Variants in SEMA3A observed in about 807,000 individuals in gnomAD.
SEMA3A encodes the protein semaphorin 3A.
Under a neutral mutation model 97.9 loss-of-function variants are expected in SEMA3A, and 29 were observed. That is an observed-to-expected ratio of 0.30 (90% confidence interval 0.22 to 0.40). The LOEUF (loss-of-function observed/expected upper bound fraction) is 0.40. SEMA3A is among the 10% of genes least tolerant of loss of function. SEMA3A has a pLI of 1.00. For missense variants in SEMA3A, 763 were observed against 951.3 expected, an observed-to-expected ratio of 0.80 and a Z score of 2.60; for synonymous variants, 321 against 323.7, an observed-to-expected ratio of 0.99 and a Z score of 0.09.
chr7:83,979,331 A>C (rs925717377), intron 14 of SEMA3A, among the ~76,000 whole-genome samples: 6 of 152,038 alleles, frequency 3.9e-5, no homozygotes, highest in African/African-American at 1.2e-4. Flanking sequence ...ATGGGGTTTC[A>C]CCATGCTGGC....
At chr7:84,061,550 T>TA (rs1793216005) in intron 4 of SEMA3A, among the ~76,000 whole-genome samples, 1 of 152,150 alleles carries the variant, frequency 6.6e-6, no homozygotes, top group South Asian at 2.1e-4. Flanking sequence ...CAGACTGAAA[T>TA]AAAATAGCTT....
intron 7 of SEMA3A, among the ~76,000 whole-genome samples, chr7:84,011,860 A>C (rs1050999497): frequency 5.9e-5 from 9 of 151,638 alleles, no homozygotes; most frequent in African/African-American, 2.2e-4. Flanking sequence ...TTGTACTCAT[A>C]AATTTATATA....
chr7:84,355,292 C>G (rs951587192), intron 2 of SEMA3A, among the ~76,000 whole-genome samples: 1 of 151,804 alleles, frequency 6.6e-6, no homozygotes, highest in East Asian at 1.9e-4. Context: ...TACAGATACA[C>G]CTTTTCTCTG....
chr7:84,260,336 G>A (rs1799819132), intron 3 of SEMA3A, among the ~76,000 whole-genome samples: 1 of 152,150 alleles, frequency 6.6e-6, no homozygotes. Flanking sequence ...GCCAGCTGCA[G>A]GAGGAGAGGT....
At chr7:84,319,494 C>G (rs577811819) in intron 2 of SEMA3A, among the ~76,000 whole-genome samples, 1 of 152,098 alleles carries the variant, frequency 6.6e-6, no homozygotes, top group East Asian at 1.9e-4. Flanking sequence ...TACTAAGAAT[C>G]CCAAGGCTTA....
intron 3 of SEMA3A, among the ~76,000 whole-genome samples, chr7:84,218,352 C>A (rs1467376330): frequency 6.6e-6 from 1 of 152,020 alleles, no homozygotes; most frequent in Non-Finnish European, 1.5e-5. Flanking sequence ...GTACTTCAAT[C>A]TGGAAAGCTA....
intron 1 of SEMA3A, among the ~76,000 whole-genome samples, chr7:84,482,567 T>C (rs766394508): frequency 1.3e-5 from 2 of 152,200 alleles, no homozygotes; most frequent in Admixed American, 6.5e-5. Context: ...ATGATCATAG[T>C]TGCAGGAATT....
chr7:83,995,905 G>A (rs1380994984), intron 12 of SEMA3A, among the ~76,000 whole-genome samples: 1 of 152,194 alleles, frequency 6.6e-6, no homozygotes. Flanking sequence ...GGTTAGGAAA[G>A]TATCAATTAT....
chr7:84,462,186 A>AT (rs1197815705), intron 1 of SEMA3A, among the ~76,000 whole-genome samples: 4 of 152,128 alleles, frequency 2.6e-5, no homozygotes, highest in African/African-American at 7.2e-5. Context: ...TTATTGGATG[A>AT]TTTTTTTCTC....
chr7:84,321,636 G>A (rs1470776008), intron 2 of SEMA3A, among the ~76,000 whole-genome samples: 2 of 151,890 alleles, frequency 1.3e-5, no homozygotes, highest in Non-Finnish European at 2.9e-5. Context: ...CAGCACTTTG[G>A]GAGGCCAAAG....
At chr7:84,169,015 G>T (rs1176492358) in intron 1 of SEMA3A, among the ~76,000 whole-genome samples, 1 of 151,616 alleles carries the variant, frequency 6.6e-6, no homozygotes, top group African/African-American at 2.4e-5. Flanking sequence ...TAATATAATT[G>T]ATCCTGAGTT....
intron 15 of SEMA3A, among the ~76,000 whole-genome samples, chr7:83,972,054 C>T (rs1788941492): frequency 7.2e-6 from 1 of 138,276 alleles, no homozygotes; most frequent in Non-Finnish European, 1.6e-5. Flanking sequence ...TATATATACA[C>T]ACACATACAT....
chr7:84,399,107 G>T (rs903480225), intron 1 of SEMA3A, among the ~76,000 whole-genome samples: 1 of 152,152 alleles, frequency 6.6e-6, no homozygotes, highest in Non-Finnish European at 1.5e-5. Flanking sequence ...TCTGAAAAGA[G>T]AATCTGTGTG....
chr7:83,969,531 T>C (rs1490983466), intron 15 of SEMA3A, among the ~76,000 whole-genome samples: 3 of 152,164 alleles, frequency 2.0e-5, no homozygotes, highest in South Asian at 2.1e-4. Flanking sequence ...AGGTAACACA[T>C]TGAATTTAAA....
chr7:83,984,287 C>T (rs7458473), intron 13 of SEMA3A, among the ~76,000 whole-genome samples: 58,067 of 151,998 alleles, frequency 0.38, 11,634 homozygotes, highest in Middle Eastern at 0.49. Flanking sequence ...TAACAATTTT[C>T]AGATTACGAG....
intron 2 of SEMA3A, among the ~76,000 whole-genome samples, chr7:84,325,992 A>G (rs1220559426): frequency 6.6e-6 from 1 of 152,086 alleles, no homozygotes; most frequent in East Asian, 1.9e-4. Flanking sequence ...TGTAACTGAG[A>G]TCATACAGTA....
chr7:84,263,402 T>C (rs1217972225), intron 3 of SEMA3A, among the ~76,000 whole-genome samples: 1 of 152,210 alleles, frequency 6.6e-6, no homozygotes, highest in Non-Finnish European at 1.5e-5. Flanking sequence ...GTAACTTTAA[T>C]ATTGGCAACA....
chr7:84,343,458 T>C (rs901481938), intron 2 of SEMA3A, among the ~76,000 whole-genome samples: 5 of 152,198 alleles, frequency 3.3e-5, no homozygotes, highest in African/African-American at 1.2e-4. Flanking sequence ...TTAAATTGCA[T>C]ATAACTGAGC....
chr7:84,139,988 T>A (rs1173056625), intron 1 of SEMA3A, among the ~76,000 whole-genome samples: 1 of 152,086 alleles, frequency 6.6e-6, no homozygotes, highest in Admixed American at 6.6e-5. Context: ...GTATATTTAC[T>A]TTTAAAAAGA....
Sources: gnomAD v4.1 joint callset for allele counts (sites outside exome capture counted in the v4.1 genomes callset) on GRCh38, gnomAD v4.1.1 for gene constraint, MANE v1.5 for transcripts, NCBI Gene and HGNC (gene_info 2026-07-23, HGNC 2026-07-21) for gene names.